GRIP1: variants seen among roughly 807,000 people sequenced by gnomAD.
GRIP1 encodes the protein glutamate receptor-interacting protein 1.
In GRIP1, 45 loss-of-function variants were observed where a neutral mutation model predicts 129.9. The observed-to-expected ratio is 0.35, with a 90% confidence interval of 0.27 to 0.44. The LOEUF is 0.44. GRIP1 is among the 20% of genes least tolerant of loss of function. The pLI is 1.00. For missense variants in GRIP1, 1,196 were observed against 1,396.8 expected (o/e 0.86, Z 2.29); for synonymous variants, 530 against 520.8 (o/e 1.02, Z -0.24).
chr12:66,418,571 T>A (rs1052862916), intron 15 of GRIP1, among the ~76,000 whole-genome samples: 1 of 152,018 alleles, frequency 6.6e-6, no homozygotes, highest in Non-Finnish European at 1.5e-5. Context: ...AGAATATACA[T>A]GGAGCTCAAA....
At chr12:66,987,189 C>T (rs2042325297) in intron 1 of GRIP1, among the ~76,000 whole-genome samples, 1 of 152,144 alleles carries the variant, frequency 6.6e-6, no homozygotes, top group Non-Finnish European at 1.5e-5. Flanking sequence ...AAACATAATT[C>T]ATTGTCTCCT....
chr12:66,492,317 C>T (rs374051872), intron 7 of GRIP1, among the ~76,000 whole-genome samples: 5 of 152,080 alleles, frequency 3.3e-5, no homozygotes, highest in Admixed American at 2.0e-4. Context: ...CATTTCTGAC[C>T]GACCTCCTTG....
chr12:66,525,444 A>T (rs926427810), intron 5 of GRIP1, among the ~76,000 whole-genome samples: 2 of 152,170 alleles, frequency 1.3e-5, no homozygotes, highest in African/African-American at 4.8e-5. Flanking sequence ...TGATTATCTC[A>T]ATAGATGCAG....
intron 1 of GRIP1, among the ~76,000 whole-genome samples, chr12:66,735,435 G>A (rs1407471333): frequency 6.6e-6 from 1 of 152,106 alleles, no homozygotes; most frequent in Admixed American, 6.6e-5. Context: ...TAATAAACAC[G>A]CTCACTAGCC....
At chr12:66,479,035 T>C (rs539638358) in intron 7 of GRIP1, among the ~76,000 whole-genome samples, 2 of 144,762 alleles carry the variant, frequency 1.4e-5, no homozygotes, top group East Asian at 4.1e-4. Flanking sequence ...TAATAAAAAA[T>C]ATATATTAAA....
intron 1 of GRIP1, among the ~76,000 whole-genome samples, chr12:67,061,872 T>C (rs762610280): frequency 6.6e-6 from 1 of 151,830 alleles, no homozygotes; most frequent in Non-Finnish European, 1.5e-5. Flanking sequence ...AGTGAGGCAA[T>C]AAAAAAGGCA....
intron 1 of GRIP1, among the ~76,000 whole-genome samples, chr12:66,838,643 C>T (rs2039660380): frequency 6.6e-6 from 1 of 152,156 alleles, no homozygotes; most frequent in Non-Finnish European, 1.5e-5. Flanking sequence ...AGAAAAAGTA[C>T]AAGGACAGAG....
chr12:67,034,735 C>A (rs2043070382), intron 1 of GRIP1, among the ~76,000 whole-genome samples: 1 of 152,130 alleles, frequency 6.6e-6, no homozygotes, highest in South Asian at 2.1e-4. Flanking sequence ...ACACGAGTAA[C>A]CCACTGTGCT....
At chr12:66,852,335 C>A (rs991732303) in intron 1 of GRIP1, among the ~76,000 whole-genome samples, 1 of 151,582 alleles carries the variant, frequency 6.6e-6, no homozygotes, top group Non-Finnish European at 1.5e-5. Context: ...AGTTAGCAGC[C>A]CTCCCAAGAA....
chr12:66,451,757 A>T (rs2058814157), intron 11 of GRIP1, among the ~76,000 whole-genome samples: 1 of 152,012 alleles, frequency 6.6e-6, no homozygotes. Context: ...CCTGCCATAG[A>T]CCTAACACAT....
intron 1 of GRIP1, among the ~76,000 whole-genome samples, chr12:66,977,376 G>A (rs771294337): frequency 6.6e-6 from 1 of 151,958 alleles, no homozygotes; most frequent in Non-Finnish European, 1.5e-5. Context: ...TCTAAAGAAT[G>A]CACATTAAGT....
At chr12:66,631,366 A>T (rs1444939188) in intron 1 of GRIP1, among the ~76,000 whole-genome samples, 1 of 152,208 alleles carries the variant, frequency 6.6e-6, no homozygotes, top group Non-Finnish European at 1.5e-5. Context: ...CCCACAGAGC[A>T]TCTTGTACAT....
chr12:66,444,626 T>G lies in GRIP1; in HGVS notation c.1645A>C (p.Ile549Leu). 1 of 1,614,172 alleles carries G rather than the reference T, an allele frequency of 6.2e-7. No homozygotes were observed. Among genetic ancestry groups the G allele is most frequent in the African/African-American group, 1.3e-5 (1 of 75,040 alleles). The change falls in exon 13 of 25, where the codon ATC becomes CTC. Residue 549 changes from isoleucine to leucine, a missense_variant. Ile to Leu is a conservative substitution (Grantham distance 5, BLOSUM62 2). Around this residue, in one of 5 missense-constraint regions of GRIP1, gnomAD observed 508 missense variants for 587.0 expected, o/e 0.87. Transcript: ENST00000359742. ...ATTTCCAGTGTGACCTTGCTCGTGA[T>G]TGAAGAGTCTCGGAGGAGCTGACTG... ...EASQLLRDSS[I>L]TSKVTLEIEF...
intron 1 of GRIP1, among the ~76,000 whole-genome samples, chr12:66,753,138 A>T (rs2037179721): frequency 1.3e-5 from 2 of 152,102 alleles, no homozygotes; most frequent in Admixed American, 1.3e-4. Context: ...TCATGCTCTT[A>T]TATCCTAGGT....
intron 1 of GRIP1, among the ~76,000 whole-genome samples, chr12:66,972,993 C>T (rs1045896834): frequency 6.6e-6 from 1 of 152,042 alleles, no homozygotes; most frequent in Non-Finnish European, 1.5e-5. Flanking sequence ...TAATGATAGC[C>T]CTGAAATGTA....
intron 1 of GRIP1, among the ~76,000 whole-genome samples, chr12:66,854,213 C>T (rs1044510815): frequency 1.3e-5 from 2 of 151,706 alleles, no homozygotes; most frequent in Non-Finnish European, 2.9e-5. Context: ...GACACACAGG[C>T]GAGGGTGAGG....
At chr12:66,906,534 C>A (rs2040935796) in intron 1 of GRIP1, among the ~76,000 whole-genome samples, 1 of 152,106 alleles carries the variant, frequency 6.6e-6, no homozygotes, top group Non-Finnish European at 1.5e-5. Context: ...AGCAAGTTAC[C>A]AATACATAGG....
intron 23 of GRIP1, among the ~76,000 whole-genome samples, chr12:66,359,717 G>A (rs144737979): frequency 1.2e-3 from 176 of 152,238 alleles, no homozygotes; most frequent in African/African-American, 3.9e-3. Context: ...TGGTTCTCCT[G>A]GAAGTAGCCT....
At chr12:66,737,871 C>T (rs1052371181) in intron 1 of GRIP1, among the ~76,000 whole-genome samples, 2 of 152,182 alleles carry the variant, frequency 1.3e-5, no homozygotes, top group African/African-American at 4.8e-5. Flanking sequence ...ATTAAGAAGG[C>T]AGACATTAGA....
Sources: allele counts gnomAD v4.1 joint callset (sites outside exome capture counted in the v4.1 genomes callset), GRCh38; gene constraint gnomAD v4.1.1; regional missense constraint gnomAD v4.1.1; transcripts MANE v1.5; gene names NCBI Gene and HGNC (gene_info 2026-07-23, HGNC 2026-07-21).